Variants in DLG2 observed in about 807,000 individuals in gnomAD.
The protein encoded by DLG2 is disks large homolog 2.
A neutral mutation model predicts 132.5 loss-of-function variants in DLG2; 45 were observed. The observed-to-expected ratio is 0.34, with a 90% CI of 0.27 to 0.44. DLG2 has a LOEUF of 0.44. DLG2 is among the 20% of genes least tolerant of loss of function. DLG2 has a pLI of 1.00. For missense variants in DLG2, 1,045 were observed against 1,196.9 expected (o/e 0.87, Z 1.87); for synonymous variants, 424 against 419.6 (o/e 1.01, Z -0.13).
chr11:85,199,707 A>G (rs2081310940), intron 4 of DLG2, among the ~76,000 whole-genome samples: 1 of 152,186 alleles, frequency 6.6e-6, no homozygotes, highest in Non-Finnish European at 1.5e-5. Flanking sequence ...TTTTACTAAA[A>G]TTATACTTTC....
At chr11:84,914,202 T>C (rs1282510115) in intron 6 of DLG2, among the ~76,000 whole-genome samples, 1 of 152,228 alleles carries the variant, frequency 6.6e-6, no homozygotes, top group Non-Finnish European at 1.5e-5. Flanking sequence ...TTGGCTTCTT[T>C]CAAATTCTGC....
At chr11:84,104,710 A>T (rs1432206893) in intron 9 of DLG2, among the ~76,000 whole-genome samples, 1 of 152,134 alleles carries the variant, frequency 6.6e-6, no homozygotes, top group Non-Finnish European at 1.5e-5. Flanking sequence ...AATTTTAACA[A>T]GAAAATTACT....
At chr11:85,038,701 A>G (rs2061608475) in intron 6 of DLG2, among the ~76,000 whole-genome samples, 1 of 152,064 alleles carries the variant, frequency 6.6e-6, no homozygotes, top group South Asian at 2.1e-4. Flanking sequence ...ATGAAGTAAA[A>G]ATTTAAAGAA....
chr11:84,183,964 C>T (rs71469634), intron 8 of DLG2, among the ~76,000 whole-genome samples: 9,820 of 151,956 alleles, frequency 0.065, 392 homozygotes, highest in African/African-American at 0.1. Flanking sequence ...TTTTCTTAAT[C>T]CAGTCTATCA....
At chr11:84,279,008 C>T (rs996044886) in intron 7 of DLG2, among the ~76,000 whole-genome samples, 4 of 152,044 alleles carry the variant, frequency 2.6e-5, no homozygotes, top group African/African-American at 9.7e-5. Context: ...GCCTATGAAA[C>T]TAGCATCAGA....
intron 9 of DLG2, among the ~76,000 whole-genome samples, chr11:84,142,632 C>T (rs1200268421): frequency 6.6e-6 from 1 of 152,062 alleles, no homozygotes; most frequent in Non-Finnish European, 1.5e-5. Flanking sequence ...TGAGAGTCAT[C>T]CAATCTGTTG....
chr11:83,738,656 C>A (rs2092226935), intron 18 of DLG2, among the ~76,000 whole-genome samples: 1 of 152,178 alleles, frequency 6.6e-6, no homozygotes, highest in Admixed American at 6.5e-5. Flanking sequence ...TAATCTTCCT[C>A]ATTTCTCTAA....
chr11:84,332,831 C>T (rs1163314559), intron 7 of DLG2, among the ~76,000 whole-genome samples: 2 of 152,160 alleles, frequency 1.3e-5, no homozygotes, highest in Admixed American at 6.5e-5. Context: ...TGATGCAATG[C>T]CCATATCCTT....
chr11:84,864,034 G>A (rs1166553388), intron 6 of DLG2, among the ~76,000 whole-genome samples: 2 of 152,284 alleles, frequency 1.3e-5, no homozygotes, highest in Non-Finnish European at 2.9e-5. Flanking sequence ...GCTACTACCT[G>A]GGAAGAGATA....
In DLG2 at chr11:83,844,829, A is replaced by G. The variant is rs547675442; in HGVS notation, c.1566-11059T>C. On this transcript the variant is annotated intron_variant, in intron 16 of 27. Transcript: ENST00000376104. ...GGGCTCATCTGGCCATCCTAGCTCA[A>G]TGACAGTAGTCATTAGGGTCACTTG... Among the ~76,000 whole-genome samples the G allele has an allele frequency of 1.1e-4, 17 of 152,196 alleles. No individual in the cohort carries two copies. In the East Asian group the frequency reaches 3.1e-3, roughly 28 times the overall value.
intron 19 of DLG2, among the ~76,000 whole-genome samples, chr11:83,580,887 TCCCCTCCCTTCCCC>T (rs1246779352): frequency 2.1e-5 from 2 of 96,970 alleles, no homozygotes; most frequent in Non-Finnish European, 4.2e-5. Context: ...TCCCCTCCTC[TCCCCTCCCTTCCCC>T]TCCCCTCCCC....
chr11:84,849,769 T>G lies in DLG2; in HGVS notation c.357+261892A>C, dbSNP rs1490000758. Among the ~76,000 whole-genome samples, 3 of 152,240 alleles carry G rather than the reference T, an allele frequency of 2.0e-5. No homozygotes were observed. In the East Asian group the frequency reaches 5.8e-4, roughly 29 times the overall value. On this transcript the variant is annotated intron_variant, in intron 6 of 27. Coordinates refer to ENST00000376104, the MANE Select transcript of DLG2 (RefSeq NM_001142699.3). ...ACACTGTTGCAAGTATTTGTGTACT[T>G]TGGTGCTGTTTCCATCTTAGAAAGC...
At chr11:85,543,452 T>G (rs2076103695) in intron 3 of DLG2, among the ~76,000 whole-genome samples, 1 of 152,200 alleles carries the variant, frequency 6.6e-6, no homozygotes, top group Non-Finnish European at 1.5e-5. Flanking sequence ...AACATATGTG[T>G]GCATGGATCT....
intron 6 of DLG2, among the ~76,000 whole-genome samples, chr11:84,707,410 G>A (rs2059899680): frequency 6.6e-6 from 1 of 151,854 alleles, no homozygotes; most frequent in Non-Finnish European, 1.5e-5. Flanking sequence ...GACACTAAAA[G>A]TGTAAATAAC....
intron 18 of DLG2, among the ~76,000 whole-genome samples, chr11:83,700,107 A>C (rs977768052): frequency 6.6e-6 from 1 of 152,038 alleles, no homozygotes; most frequent in Admixed American, 6.5e-5. Flanking sequence ...AAATATTTAA[A>C]TTAATTTAAA....
At chr11:85,074,285 A>G (rs1593682246) in intron 6 of DLG2, among the ~76,000 whole-genome samples, 1 of 151,856 alleles carries the variant, frequency 6.6e-6, no homozygotes, top group Non-Finnish European at 1.5e-5. Flanking sequence ...TTGGGATTGA[A>G]TCTTTTCTCT....
chr11:84,347,077 A>G lies in DLG2; in HGVS notation c.520-95786T>C, dbSNP rs534326170. 3.5e-4 allele frequency among the ~76,000 whole-genome samples: 54 copies of G among 152,274 alleles called. No homozygotes were observed. In the South Asian group the frequency reaches 0.01, roughly 29 times the overall value. ...CATACAGCCATCTAATAAAAACACC[A>G]TCTCAGTGTGGGGGTCAATCACTTC... On this transcript the variant is annotated intron_variant, in intron 7 of 27. Transcript: ENST00000376104.
At chr11:85,058,904 G>A (rs1466899997) in intron 6 of DLG2, among the ~76,000 whole-genome samples, 1 of 151,206 alleles carries the variant, frequency 6.6e-6, no homozygotes, top group Non-Finnish European at 1.5e-5. Context: ...AAAATTCTAA[G>A]AGAGAACATA....
chr11:84,620,424 A>T (rs550387064), intron 6 of DLG2, among the ~76,000 whole-genome samples: 2 of 151,970 alleles, frequency 1.3e-5, no homozygotes, highest in South Asian at 4.1e-4. Context: ...AAGAAAGAAT[A>T]ATTTTGATCA....
Sources: gnomAD v4.1 joint callset for allele counts (sites outside exome capture counted in the v4.1 genomes callset) on GRCh38, gnomAD v4.1.1 for gene constraint, MANE v1.5 for transcripts, NCBI Gene and HGNC (gene_info 2026-07-23, HGNC 2026-07-21) for gene names.